Variants in LMTK3 observed in about 807,000 individuals in gnomAD.
The protein encoded by LMTK3 is lemur tail kinase 3, also known as serine/threonine-protein kinase LMTK3.
Under a neutral mutation model 116.7 loss-of-function variants are expected in LMTK3, and 27 were observed. The observed-to-expected ratio is 0.23, with a 90% CI of 0.17 to 0.32. The LOEUF is 0.32. LMTK3 is among the 10% of genes least tolerant of loss of function. The probability of loss-of-function intolerance (pLI) is 1.00; values close to 1 mark genes in which losing one functional copy is unlikely to be tolerated. For missense variants in LMTK3, 1,764 were observed against 2,068.5 expected, an observed-to-expected ratio of 0.85 and a Z score of 2.86; for synonymous variants, 965 against 971.0, an observed-to-expected ratio of 0.99 and a Z score of 0.11.
At chr19:48,503,602 C>T (rs1335891447) in intron 5 of LMTK3, among the ~76,000 whole-genome samples, 1 of 152,068 alleles carries the variant, frequency 6.6e-6, no homozygotes, top group Non-Finnish European at 1.5e-5. Flanking sequence ...TAGTCTCTCC[C>T]CTTCCCTTTG....
chr19:48,499,033 G>A lies in LMTK3; in HGVS notation c.2036C>T (p.Ser679Phe). Reference sequence around the variant, plus strand: ...GTCCCCCCGCTCCAGTGGCAGGCAGGAGCAGGCCCCCTCGCGGCTGCACAG... The same window carrying A: ...GTCCCCCCGCTCCAGTGGCAGGCAGAAGCAGGCCCCCTCGCGGCTGCACAG... ...CPLCSREGACSCLPLERGDAV... is the reference protein window; with the variant it reads ...CPLCSREGACFCLPLERGDAV... The change falls in exon 11 of 15, where the codon TCC (serine) becomes TTC (phenylalanine). Residue 679 changes from serine to phenylalanine, a missense_variant. Physicochemically the swap from Ser to Phe is radical, Grantham distance 155. Coordinates refer to ENST00000600059, the MANE Select transcript of LMTK3 (RefSeq NM_001388485.1). The A allele has an allele frequency of 2.0e-6, 3 of 1,487,604 alleles. No homozygotes were observed. The highest frequency in any genetic ancestry group is 2.7e-6 in the Non-Finnish European group (3 of 1,119,926). 92.2% of individuals were successfully genotyped at this position (1,487,604 alleles called of 1,614,324 possible). A position where few individuals can be genotyped will look rare whatever the true frequency, so the allele number is the denominator to read the frequency against.
In LMTK3 at chr19:48,485,585, G is replaced by A; in HGVS notation, c.*188C>T. The A allele has an allele frequency of 1.6e-6, 1 of 614,764 alleles. No individual in the cohort carries two copies. The highest frequency in any genetic ancestry group is 2.8e-6 in the Non-Finnish European group (1 of 353,396). 38.1% of individuals were successfully genotyped at this position (614,764 alleles called of 1,614,324 possible). On this transcript the variant is annotated 3_prime_UTR_variant, in exon 15 of 15. Coordinates refer to ENST00000600059, the MANE Select transcript of LMTK3 (RefSeq NM_001388485.1). Reference sequence around the variant, plus strand: ...CAGGGGGGTCAGGGGAGCCATCTGGGGGGCTGGGGGGCGGGGGCCCGGGGC... The same window carrying A: ...CAGGGGGGTCAGGGGAGCCATCTGGAGGGCTGGGGGGCGGGGGCCCGGGGC...
Position 48,491,989 on chromosome 19 carries a change from C to A in LMTK3, c.4093-450G>T, listed in dbSNP as rs1246611840. ...TGGATGCTGTGACCCTGCCCCTGAG[C>A]CCTCCCTCAGAAGTAGACCTGCTCC... On this transcript the variant is annotated intron_variant, in intron 12 of 14. Transcript: ENST00000600059. This position sits in a 1 kb window ranked among gnomAD's most constrained non-coding sequence, Gnocchi z 5.1. 6.6e-6 allele frequency among the ~76,000 whole-genome samples: 1 copy of A among 151,988 alleles called. No homozygotes were observed. Among genetic ancestry groups the A allele is most frequent in the Non-Finnish European group, 1.5e-5 (1 of 67,998 alleles).
At position 48,485,708 on chromosome 19, in the gene LMTK3, A is replaced by T; in HGVS notation, c.*65T>A. 2 of 1,564,872 alleles carry T rather than the reference A, an allele frequency of 1.3e-6. No individual in the cohort carries two copies. The highest frequency in any genetic ancestry group is 1.7e-6 in the Non-Finnish European group (2 of 1,146,208). ...CTGCGGTGGTGGCAGTGGCGCCGTC[A>T]TCCACAGAGGATTCCATTCTCAACC... On this transcript the variant is annotated 3_prime_UTR_variant, in exon 15 of 15. Coordinates refer to ENST00000600059, the MANE Select transcript of LMTK3 (RefSeq NM_001388485.1).
In LMTK3 at chr19:48,498,938, G is replaced by T. The variant is rs1339563591; in HGVS notation, c.2131C>A (p.Arg711=). The change falls in exon 11 of 15, where the codon CGG becomes AGG. Residue 711 remains arginine, a synonymous_variant. Transcript: ENST00000600059. ...PHPPEDDSSL[R]AERGSLADLP... is the part of the protein sequence containing the mutation. ...TCGGCCAGGGAGCCCCGCTCTGCCCGCAGCGAGGAGTCGTCCTCGGGGGGG... is the reference window on the plus strand; with the variant it reads ...TCGGCCAGGGAGCCCCGCTCTGCCCTCAGCGAGGAGTCGTCCTCGGGGGGG... 1.9e-5 allele frequency: 25 copies of T among 1,289,500 alleles called. No homozygotes were observed. The highest frequency in any genetic ancestry group is 2.3e-5 in the Non-Finnish European group (24 of 1,021,292). 79.9% of individuals were successfully genotyped at this position (1,289,500 alleles called of 1,614,324 possible).
chr19:48,509,928 G>C, intron 3 of LMTK3, 95 bp downstream of exon 3: 1 of 1,414,910 alleles, frequency 7.1e-7, no homozygotes. Context: ...GGCTGCCGCT[G>C]GTCTCAACCG....
chr19:48,493,415 C>A (rs998869129), intron 12 of LMTK3, among the ~76,000 whole-genome samples: 16 of 136,726 alleles, frequency 1.2e-4, no homozygotes, highest in Admixed American at 2.1e-4. Flanking sequence ...GATTGGGGCT[C>A]CCCTTAGGTC....
At chr19:48,503,960 C>T (rs1254344329) in intron 5 of LMTK3, among the ~76,000 whole-genome samples, 2 of 151,970 alleles carry the variant, frequency 1.3e-5, no homozygotes, top group African/African-American at 4.8e-5. Flanking sequence ...CTCCACCTCC[C>T]GGGTTCAAGC....
At position 48,502,506 on chromosome 19, in the gene LMTK3, G is replaced by T. The variant is rs1409111648; in HGVS notation, c.721C>A (p.Arg241=). The T allele has an allele frequency of 6.2e-7, 1 of 1,609,130 alleles. No individual in the cohort carries two copies. The highest frequency in any genetic ancestry group is 1.3e-5 in the African/African-American group (1 of 74,694). ...LSPELPPRDL[R]TLQRMGLEIA... ...TCCAGGCCCATCCTCTGCAGCGTCC[G>T]CAGGTCTCGAGGGGGTAGCTCAGGG... is the stretch of plus-strand genomic sequence containing the variant. Residue 241 remains arginine, a synonymous_variant, in exon 7 of 15, where the codon CGG becomes AGG. Coordinates refer to ENST00000600059, the MANE Select transcript of LMTK3 (RefSeq NM_001388485.1).
At chr19:48,502,808 G>A (rs2147552401) in intron 6 of LMTK3, 101 bp downstream of exon 6, 1 of 876,604 alleles carries the variant, frequency 1.1e-6, no homozygotes, top group African/African-American at 1.7e-5. Context: ...CATCATCTAC[G>A]ATGATGATGA....
intron 9 of LMTK3, 63 bp from the exon 10 acceptor site, chr19:48,501,208 C>A (rs1972459451): frequency 6.2e-7 from 1 of 1,606,150 alleles, no homozygotes; most frequent in Non-Finnish European, 8.5e-7. Flanking sequence ...TTTTCCCCAT[C>A]TGTAGAACCG....
intron 1 of LMTK3, 63 bp from the exon 2 acceptor site, chr19:48,510,655 C>T (rs1166733965): frequency 8.2e-6 from 12 of 1,471,704 alleles, no homozygotes; most frequent in South Asian, 1.4e-5. Flanking sequence ...AATCATGCCC[C>T]CTCCCGTCCC....
At chr19:48,506,589 C>T (rs1420349495) in intron 5 of LMTK3, among the ~76,000 whole-genome samples, 1 of 152,204 alleles carries the variant, frequency 6.6e-6, no homozygotes, top group Non-Finnish European at 1.5e-5. Flanking sequence ...CTGTGTGTAA[C>T]CGCGGCTCTG....
intron 11 of LMTK3, among the ~76,000 whole-genome samples, chr19:48,496,202 C>T (rs1377996192): frequency 6.6e-6 from 1 of 152,106 alleles, no homozygotes; most frequent in African/African-American, 2.4e-5. Context: ...CTCTGACTCA[C>T]AGGATCAAGT....
chr19:48,487,945 T>G (rs961064095), intron 14 of LMTK3, among the ~76,000 whole-genome samples: 1 of 152,154 alleles, frequency 6.6e-6, no homozygotes, highest in Non-Finnish European at 1.5e-5. Context: ...AGAGCCACAT[T>G]GAGCAGGGCA....
intron 5 of LMTK3, among the ~76,000 whole-genome samples, chr19:48,508,647 C>T (rs916794830): frequency 6.6e-6 from 1 of 152,152 alleles, no homozygotes; most frequent in African/African-American, 2.4e-5. Context: ...AGCTTCTGTG[C>T]TCCCGCCTCC....
intron 2 of LMTK3, 53 bp from the exon 3 acceptor site, chr19:48,510,226 G>A: frequency 7.7e-6 from 12 of 1,565,950 alleles, no homozygotes; most frequent in Non-Finnish European, 1.0e-5. Flanking sequence ...TGAGAGACAC[G>A]CCATCGTCTT....
In LMTK3 at chr19:48,498,595, G is replaced by C. The variant is rs1972384365; in HGVS notation, c.2474C>G (p.Pro825Arg). Reference sequence around the variant, plus strand: ...GGGCGCTCCTGGGTCGGGTGGCTCGGGGGGAGCCCGCGGCCGAGGGACCCC... The same window carrying C: ...GGGCGCTCCTGGGTCGGGTGGCTCGCGGGGAGCCCGCGGCCGAGGGACCCC... ...EEGVPRPRAPPEPPDPGAPRP... is the reference protein window; with the variant it reads ...EEGVPRPRAPREPPDPGAPRP... The change falls in exon 11 of 15, where the codon CCC (proline) becomes CGC (arginine). Residue 825 changes from proline to arginine, a missense_variant. Coordinates refer to ENST00000600059, the MANE Select transcript of LMTK3 (RefSeq NM_001388485.1). The C allele has an allele frequency of 6.5e-7, 1 of 1,549,302 alleles. No homozygotes were observed. The highest frequency in any genetic ancestry group is 8.7e-7 in the Non-Finnish European group (1 of 1,146,738).
At chr19:48,510,297 A>C in intron 2 of LMTK3, 124 bp from the exon 3 acceptor site, 1 of 1,406,698 alleles carries the variant, frequency 7.1e-7, no homozygotes, top group Non-Finnish European at 9.6e-7. Flanking sequence ...CCCAATTTCC[A>C]TCCCCCATTT....
Sources: gnomAD v4.1 joint callset for allele counts (sites outside exome capture counted in the v4.1 genomes callset) on GRCh38, gnomAD v4.1.1 for gene constraint, Gnocchi (gnomAD v3.1) non-coding constraint, MANE v1.5 for transcripts, NCBI Gene and HGNC (gene_info 2026-07-23, HGNC 2026-07-21) for gene names.